GALNT13: variants seen among roughly 807,000 people sequenced by gnomAD.
The protein encoded by GALNT13 is polypeptide N-acetylgalactosaminyltransferase 13.
In GALNT13, 28 loss-of-function variants were observed where a neutral mutation model predicts 64.2. That is an observed-to-expected ratio of 0.44 (90% confidence interval 0.32 to 0.60). The LOEUF (loss-of-function observed/expected upper bound fraction) is 0.60, where lower values mean the gene tolerates loss of function less well. Among genes scored for constraint, GALNT13 ranks in the 20% least tolerant of loss-of-function variants. GALNT13 has a pLI of 0.05. For missense variants in GALNT13, 577 were observed against 669.8 expected, an observed-to-expected ratio of 0.86 and a Z score of 1.53; for synonymous variants, 214 against 224.6, an observed-to-expected ratio of 0.95 and a Z score of 0.42.
chr2:153,984,468 C>T (rs1294125634), intron 3 of GALNT13, among the ~76,000 whole-genome samples: 8 of 151,530 alleles, frequency 5.3e-5, no homozygotes. Context: ...GTTTCTATCA[C>T]TTTTAATATT....
At chr2:153,231,008 T>A in the GALNT13 span, among the ~76,000 whole-genome samples, 1 of 152,202 alleles carries the variant, frequency 6.6e-6, no homozygotes, top group Non-Finnish European at 1.5e-5. Context: ...TTCTTGATTG[T>A]CTTAACCAGT....
the GALNT13 span, among the ~76,000 whole-genome samples, chr2:153,492,163 A>T: frequency 6.6e-6 from 1 of 152,168 alleles, no homozygotes. Flanking sequence ...TCTCAAATCC[A>T]ACCATTCAAA....
chr2:153,354,612 A>C, the GALNT13 span, among the ~76,000 whole-genome samples: 2 of 152,148 alleles, frequency 1.3e-5, no homozygotes, highest in South Asian at 4.1e-4. Context: ...AGAAAATAAG[A>C]GTCAGTAGTT....
chr2:153,559,604 A>T, the GALNT13 span, among the ~76,000 whole-genome samples: 1 of 151,984 alleles, frequency 6.6e-6, no homozygotes, highest in African/African-American at 2.4e-5. Flanking sequence ...TGCTTGTTTC[A>T]CTTCTGTTAA....
the GALNT13 span, chr2:153,478,931 C>T: frequency 2.0e-5 from 5 of 255,986 alleles, no homozygotes; most frequent in African/African-American, 2.2e-5. Context: ...CCGGCCGCAC[C>T]GCCGCGCTGC....
At chr2:153,357,700 C>G in the GALNT13 span, among the ~76,000 whole-genome samples, 3 of 152,136 alleles carry the variant, frequency 2.0e-5, no homozygotes, top group Admixed American at 6.5e-5. Flanking sequence ...GCCTAATTCT[C>G]CATCCTCACT....
rs566981490 is a variant in GALNT13 at position 153,934,006 on chromosome 2, C to T, written c.-104-10388C>T. 2.6e-5 allele frequency among the ~76,000 whole-genome samples: 4 copies of T among 152,114 alleles called. No individual in the cohort carries two copies. In the South Asian group the frequency reaches 8.3e-4, roughly 32 times the overall value. On this transcript the variant is annotated intron_variant, in intron 2 of 12. Coordinates refer to ENST00000392825, the MANE Select transcript of GALNT13 (RefSeq NM_052917.4). The stretch of plus-strand genomic sequence containing the variant: ...TCCATTTGTAGGTCACCTGCCTCTC[C>T]TCTCTAGGGGCCTTTAACATTTTTC...
Position 154,352,774 on chromosome 2 carries a change from G to A in GALNT13, c.1157-43217G>A, listed in dbSNP as rs114305126. On this transcript the variant is annotated intron_variant, in intron 9 of 12. Coordinates refer to ENST00000392825, the MANE Select transcript of GALNT13 (RefSeq NM_052917.4). Reference sequence around the variant, plus strand: ...ACTTTCAATGTGCCTCCCACTTAGGGTACCTAGTCAGTGTCCTCACTGTCT... The same window carrying A: ...ACTTTCAATGTGCCTCCCACTTAGGATACCTAGTCAGTGTCCTCACTGTCT... Among the ~76,000 whole-genome samples the A allele has an allele frequency of 7.8e-3, 1,187 of 152,216 alleles. 13 individuals are homozygous for A. Among genetic ancestry groups the A allele is most frequent in the African/African-American group, 0.027 (1,124 of 41,524 alleles).
chr2:153,442,962 G>A, the GALNT13 span, among the ~76,000 whole-genome samples: 1 of 152,190 alleles, frequency 6.6e-6, no homozygotes, highest in South Asian at 2.1e-4. Context: ...TTTCAAGCCA[G>A]TGGATCTTAG....
At chr2:153,713,166 A>G in the GALNT13 span, among the ~76,000 whole-genome samples, 4 of 152,182 alleles carry the variant, frequency 2.6e-5, no homozygotes, top group African/African-American at 7.2e-5. Flanking sequence ...CTGGTATAGT[A>G]ATATTGTCCC....
chr2:153,603,621 C>T, the GALNT13 span, among the ~76,000 whole-genome samples: 1 of 151,910 alleles, frequency 6.6e-6, no homozygotes, highest in East Asian at 1.9e-4. Flanking sequence ...ATAGACTTTG[C>T]TGTGAAAATA....
chr2:153,193,269 A>T, the GALNT13 span, among the ~76,000 whole-genome samples: 8 of 151,924 alleles, frequency 5.3e-5, no homozygotes, highest in African/African-American at 1.9e-4. Context: ...CTATGCAGCC[A>T]TAAAAAATGA....
At chr2:154,176,002 C>T (rs984518905) in intron 4 of GALNT13, among the ~76,000 whole-genome samples, 1 of 151,902 alleles carries the variant, frequency 6.6e-6, no homozygotes, top group African/African-American at 2.4e-5. Flanking sequence ...ACATGGACCA[C>T]TGTCAAGGTA....
At chr2:153,430,033 G>A in the GALNT13 span, among the ~76,000 whole-genome samples, 2 of 152,076 alleles carry the variant, frequency 1.3e-5, no homozygotes, top group Admixed American at 6.6e-5. Flanking sequence ...CTGCAAATGG[G>A]AACTACAATC....
chr2:153,554,689 T>TA, the GALNT13 span, among the ~76,000 whole-genome samples: 1 of 150,446 alleles, frequency 6.6e-6, no homozygotes, highest in African/African-American at 2.5e-5. Flanking sequence ...TGTGTCTGTG[T>TA]ACGCGCACAT....
chr2:153,116,247 G>T, the GALNT13 span, among the ~76,000 whole-genome samples: 3 of 152,042 alleles, frequency 2.0e-5, no homozygotes, highest in African/African-American at 7.2e-5. Context: ...AACTTATTTG[G>T]CATGTTTTGT....
At chr2:154,061,041 T>TTA in intron 3 of GALNT13, among the ~76,000 whole-genome samples, 1 of 10,462 alleles carries the variant, frequency 9.6e-5, no homozygotes, top group African/African-American at 3.5e-4. Flanking sequence ...TCTTCTTAGC[T>TTA]TATATATATA....
intron 1 of GALNT13, among the ~76,000 whole-genome samples, chr2:153,879,769 G>A (rs1266754565): frequency 1.3e-5 from 2 of 152,082 alleles, no homozygotes; most frequent in African/African-American, 2.4e-5. Flanking sequence ...CTTTGAAAGT[G>A]AAGGAAGAAA....
the GALNT13 span, among the ~76,000 whole-genome samples, chr2:153,163,590 C>T: frequency 6.6e-6 from 1 of 152,114 alleles, no homozygotes; most frequent in Non-Finnish European, 1.5e-5. Context: ...GATTAACAAG[C>T]TGATTTCCTT....
Sources: allele counts gnomAD v4.1 joint callset (sites outside exome capture counted in the v4.1 genomes callset), GRCh38; gene constraint gnomAD v4.1.1; transcripts MANE v1.5; gene names NCBI Gene and HGNC (gene_info 2026-07-23, HGNC 2026-07-21).